The following ARB2A variants were observed in gnomAD, a reference collection of about 807,000 sequenced individuals.
The protein encoded by ARB2A is ARB2 cotranscriptional regulator A.
At chr5:94,001,358 T>C in the ARB2A span, among the ~76,000 whole-genome samples, 3 of 152,104 alleles carry the variant, frequency 2.0e-5, no homozygotes, top group Non-Finnish European at 4.4e-5. Context: ...CGTGTACAAA[T>C]TTGGTTTCTG....
the ARB2A span, among the ~76,000 whole-genome samples, chr5:93,845,953 G>A: frequency 1.3e-5 from 2 of 151,738 alleles, no homozygotes; most frequent in Non-Finnish European, 2.9e-5. Context: ...ACTTTGGGAT[G>A]ATCATTTACA....
chr5:93,770,761 T>A, the ARB2A span, among the ~76,000 whole-genome samples: 1 of 152,108 alleles, frequency 6.6e-6, no homozygotes, highest in Admixed American at 6.5e-5. Context: ...GTGAAGGACC[T>A]CTTCAAGGAG....
chr5:93,819,879 A>G, the ARB2A span, among the ~76,000 whole-genome samples: 1 of 152,216 alleles, frequency 6.6e-6, no homozygotes, highest in African/African-American at 2.4e-5. Flanking sequence ...GCATGGAACA[A>G]TGGCAGGAAA....
At chr5:93,882,480 C>T in the ARB2A span, among the ~76,000 whole-genome samples, 2 of 141,724 alleles carry the variant, frequency 1.4e-5, no homozygotes, top group South Asian at 2.2e-4. Flanking sequence ...GCTATTAAGG[C>T]TTTTTTTTTT....
At chr5:93,797,590 T>C in the ARB2A span, among the ~76,000 whole-genome samples, 2 of 152,268 alleles carry the variant, frequency 1.3e-5, no homozygotes, top group East Asian at 3.9e-4. Flanking sequence ...AGAAAGTCAA[T>C]TATGTATCAC....
the ARB2A span, among the ~76,000 whole-genome samples, chr5:93,981,132 G>C: frequency 6.6e-6 from 1 of 150,548 alleles, no homozygotes; most frequent in East Asian, 2.0e-4. Flanking sequence ...GCAATGGCGC[G>C]ATCTCGGCTC....
the ARB2A span, chr5:93,743,426 T>G: frequency 2.5e-6 from 1 of 395,766 alleles, no homozygotes; most frequent in Non-Finnish European, 3.4e-6. Context: ...GACTTCCATA[T>G]TTGCCTTCAA....
chr5:93,772,091 T>C, the ARB2A span, among the ~76,000 whole-genome samples: 1 of 152,086 alleles, frequency 6.6e-6, no homozygotes, highest in Non-Finnish European at 1.5e-5. Flanking sequence ...ATTAAGAAAA[T>C]GTGGCACAAA....
At chr5:94,004,399 G>T in the ARB2A span, among the ~76,000 whole-genome samples, 1 of 152,066 alleles carries the variant, frequency 6.6e-6, no homozygotes, top group East Asian at 1.9e-4. Context: ...GGCTAACATG[G>T]TGAAACCCCA....
chr5:93,947,749 G>C, the ARB2A span, among the ~76,000 whole-genome samples: 1 of 140,616 alleles, frequency 7.1e-6, no homozygotes, highest in African/African-American at 2.7e-5. Flanking sequence ...TCCCACCTAT[G>C]AGTGAGAATA....
At chr5:93,626,866 C>A in the ARB2A span, among the ~76,000 whole-genome samples, 1 of 152,078 alleles carries the variant, frequency 6.6e-6, no homozygotes, top group African/African-American at 2.4e-5. Context: ...ATTGATTGAC[C>A]CTTCCTTTCC....
chr5:93,915,687 T>C, the ARB2A span, among the ~76,000 whole-genome samples: 1 of 152,034 alleles, frequency 6.6e-6, no homozygotes, highest in Non-Finnish European at 1.5e-5. Context: ...GGTTATCATC[T>C]TGAAGAATGA....
the ARB2A span, among the ~76,000 whole-genome samples, chr5:93,769,038 T>C: frequency 1.3e-5 from 2 of 152,204 alleles, no homozygotes; most frequent in East Asian, 3.8e-4. Flanking sequence ...TTAAATTTTA[T>C]ATCTGCTTTT....
At chr5:94,080,302 A>G in the ARB2A span, among the ~76,000 whole-genome samples, 1 of 152,194 alleles carries the variant, frequency 6.6e-6, no homozygotes, top group African/African-American at 2.4e-5. Context: ...AAACAATATT[A>G]TAAATGTACA....
chr5:93,743,628 A>G, the ARB2A span: 1 of 796,538 alleles, frequency 1.3e-6, no homozygotes, highest in Admixed American at 6.3e-5. Context: ...AGAAAGCAAT[A>G]TATATGCTAA....
At chr5:94,072,893 T>G in the ARB2A span, among the ~76,000 whole-genome samples, 1 of 152,116 alleles carries the variant, frequency 6.6e-6, no homozygotes, top group Admixed American at 6.5e-5. Flanking sequence ...TACAGCAAAC[T>G]AATTCAAACT....
the ARB2A span, among the ~76,000 whole-genome samples, chr5:93,796,148 C>T: frequency 1.3e-5 from 2 of 152,190 alleles, no homozygotes; most frequent in African/African-American, 2.4e-5. Context: ...CTTTTCAAAT[C>T]TCAGCCTTTA....
chr5:93,979,888 T>C, the ARB2A span, among the ~76,000 whole-genome samples: 1 of 152,150 alleles, frequency 6.6e-6, no homozygotes, highest in Non-Finnish European at 1.5e-5. Context: ...CATGAATACT[T>C]AGCATACTTA....
the ARB2A span, among the ~76,000 whole-genome samples, chr5:93,936,391 C>T: frequency 1.3e-5 from 2 of 152,056 alleles, no homozygotes; most frequent in Non-Finnish European, 2.9e-5. Context: ...TCATTTTGTT[C>T]TCTGCCTTTG....
Sources: allele counts gnomAD v4.1 joint callset (sites outside exome capture counted in the v4.1 genomes callset), GRCh38; gene constraint gnomAD v4.1.1; transcripts MANE v1.5; gene names NCBI Gene and HGNC (gene_info 2026-07-23, HGNC 2026-07-21).